Variants in DTNA observed in about 807,000 individuals in gnomAD.
DTNA encodes the protein dystrobrevin alpha, also known as dystrophin-related protein 3.
Under a neutral mutation model 100.7 loss-of-function variants are expected in DTNA, and 43 were observed. The observed-to-expected ratio is 0.43, with a 90% CI of 0.33 to 0.55. DTNA has a LOEUF of 0.55. Ranked by LOEUF, DTNA falls within the 20% of genes least tolerant of loss-of-function variation. DTNA has a pLI of 0.04. For synonymous variants in DTNA, 349 were observed against 347.9 expected (o/e 1.00, Z -0.04); for missense variants, 798 against 953.9 (o/e 0.84, Z 2.15).
At chr18:34,673,524 A>C (rs545112079) in intron 1 of DTNA, among the ~76,000 whole-genome samples, 7 of 63,962 alleles carry the variant, frequency 1.1e-4, no homozygotes, top group Non-Finnish European at 1.5e-4. Context: ...AGTCCTTCAG[A>C]AAAAAAAAAA....
At chr18:34,791,263 C>T (rs1478436566) in intron 3 of DTNA, among the ~76,000 whole-genome samples, 3 of 152,180 alleles carry the variant, frequency 2.0e-5, no homozygotes, top group African/African-American at 7.2e-5. Context: ...ATACCCATCT[C>T]CCTCCCATGC....
Position 34,867,986 on chromosome 18 carries a change from T to G in DTNA, c.1743+3924T>G. On this transcript the variant is annotated intron_variant, in intron 17 of 22. Transcript: ENST00000444659. ...TTTCACTTATTTATCTTTTTTGCTT[T>G]TATACACAAGCCTCTTTTCAAAAAG... 3.0e-6 allele frequency: 3 copies of G among 985,358 alleles called. No homozygotes were observed. The South Asian group carries it at 1.4e-4, about 46-fold the overall frequency. 61.0% of individuals were successfully genotyped at this position (985,358 alleles called of 1,614,324 possible). A position where few individuals can be genotyped will look rare whatever the true frequency, so the allele number is the denominator to read the frequency against.
At chr18:34,751,234 T>A (rs1480877601) in intron 1 of DTNA, among the ~76,000 whole-genome samples, 1 of 152,234 alleles carries the variant, frequency 6.6e-6, no homozygotes, top group Non-Finnish European at 1.5e-5. Flanking sequence ...CAAATGTGTC[T>A]TCTAAATCTC....
At chr18:34,538,851 C>T (rs2043973078) in intron 1 of DTNA, among the ~76,000 whole-genome samples, 1 of 151,776 alleles carries the variant, frequency 6.6e-6, no homozygotes, top group Admixed American at 6.6e-5. Flanking sequence ...GAATGATCTT[C>T]CTAAGAACAA....
chr18:34,661,648 C>G (rs1190650561), intron 1 of DTNA, among the ~76,000 whole-genome samples: 1 of 152,074 alleles, frequency 6.6e-6, no homozygotes, highest in Non-Finnish European at 1.5e-5. Context: ...GATGAATGAA[C>G]ATTCAGCTAG....
intron 1 of DTNA, among the ~76,000 whole-genome samples, chr18:34,712,660 G>A (rs1035426589): frequency 4.6e-5 from 7 of 152,100 alleles, no homozygotes; most frequent in Non-Finnish European, 7.4e-5. Context: ...GCTTTAAACT[G>A]TAAATTTTGC....
chr18:34,741,290 A>G (rs2090606071), intron 1 of DTNA, among the ~76,000 whole-genome samples: 1 of 152,024 alleles, frequency 6.6e-6, no homozygotes, highest in Admixed American at 6.5e-5. Context: ...GAACTAGAAT[A>G]AGCAGGGTAT....
chr18:34,534,761 TGTTA>T (rs2043516116), intron 1 of DTNA, among the ~76,000 whole-genome samples: 1 of 152,088 alleles, frequency 6.6e-6, no homozygotes, highest in Non-Finnish European at 1.5e-5. Flanking sequence ...ACTGTTCCTG[TGTTA>T]GTTTGCTGAG....
chr18:34,673,856 A>T (rs1214729002), intron 1 of DTNA, among the ~76,000 whole-genome samples: 1 of 152,194 alleles, frequency 6.6e-6, no homozygotes, highest in East Asian at 1.9e-4. Context: ...TCAAGAATAA[A>T]ACCGAATTCT....
At chr18:34,823,555 A>G (rs2095781483) in intron 9 of DTNA, among the ~76,000 whole-genome samples, 1 of 152,252 alleles carries the variant, frequency 6.6e-6, no homozygotes, top group Non-Finnish European at 1.5e-5. Flanking sequence ...TAGTGCAGAA[A>G]TGTGTATAGT....
chr18:34,881,919 T>G, intron 20 of DTNA, 150 bp from the exon 21 acceptor site: 2 of 1,034,770 alleles, frequency 1.9e-6, no homozygotes, highest in Non-Finnish European at 2.9e-6. Context: ...TTTCCAAGTT[T>G]TTTTTAGGTA....
chr18:34,640,019 T>C (rs2148330945), intron 1 of DTNA, among the ~76,000 whole-genome samples: 1 of 152,344 alleles, frequency 6.6e-6, no homozygotes, highest in East Asian at 1.9e-4. Context: ...ACAAACTATC[T>C]TTTCAGGTAT....
intron 1 of DTNA, among the ~76,000 whole-genome samples, chr18:34,603,601 A>G (rs1044604641): frequency 1.3e-5 from 2 of 152,162 alleles, no homozygotes; most frequent in Non-Finnish European, 2.9e-5. Flanking sequence ...AGAGCTTGCA[A>G]TAATATTTGT....
intron 17 of DTNA, chr18:34,866,130 G>T (rs1213579829): frequency 6.2e-7 from 1 of 1,614,116 alleles, no homozygotes; most frequent in Non-Finnish European, 8.5e-7. Context: ...CTGAAGCAGG[G>T]AGTAAGTTAT....
chr18:34,672,590 C>T (rs912429336), intron 1 of DTNA, among the ~76,000 whole-genome samples: 1 of 152,210 alleles, frequency 6.6e-6, no homozygotes, highest in Non-Finnish European at 1.5e-5. Context: ...AATAAAGGAG[C>T]GTTCAGCCAC....
chr18:34,712,731 A>C (rs1380033267), intron 1 of DTNA, among the ~76,000 whole-genome samples: 3 of 152,128 alleles, frequency 2.0e-5, no homozygotes, highest in Admixed American at 1.3e-4. Flanking sequence ...CTTTCTTGTT[A>C]ATTTTGAATA....
chr18:34,546,773 T>TA lies in DTNA; in HGVS notation c.-2+53260dup, dbSNP rs533497437. ...TTTCTTTCTTTCTTTCTTTTTTTTT[T>TA]ATCTCAGCTCACTGCAACTTCTGCT... On this transcript the variant is annotated intron_variant, in intron 1 of 19. Transcript: ENST00000283365. 1.7e-4 allele frequency among the ~76,000 whole-genome samples: 26 copies of TA among 152,014 alleles called. No individual in the cohort carries two copies. The East Asian group carries it at 2.3e-3, about 14-fold the overall frequency.
Position 34,848,414 on chromosome 18 carries a change from T to C in DTNA, c.1434+31T>C, listed in dbSNP as rs370877981. On this transcript the variant is annotated intron_variant, in intron 14 of 22. Transcript: ENST00000444659. ...TAGTTGGAGTAAAAGGATTCGTCTG[T>C]TGGCATCTGGGATCCTTGAATTTTA... 2.4e-5 allele frequency: 38 copies of C among 1,608,298 alleles called. No homozygotes were observed. In the African/African-American group the frequency reaches 4.9e-4, roughly 21 times the overall value.
chr18:34,523,343 G>A (rs1289498984), intron 1 of DTNA, among the ~76,000 whole-genome samples: 1 of 152,110 alleles, frequency 6.6e-6, no homozygotes, highest in Admixed American at 6.5e-5. Flanking sequence ...ATGGAGATAG[G>A]ACTCAGCCTG....
Sources: gnomAD v4.1 joint callset for allele counts (sites outside exome capture counted in the v4.1 genomes callset) on GRCh38, gnomAD v4.1.1 for gene constraint, MANE v1.5 for transcripts, NCBI Gene and HGNC (gene_info 2026-07-23, HGNC 2026-07-21) for gene names.